Variants in NUP107 observed in about 807,000 individuals in gnomAD.
NUP107 encodes the protein nucleoporin 107.
In NUP107, 101 loss-of-function variants were observed where a neutral mutation model predicts 141.0. The ratio of observed to expected loss-of-function variants is 0.72; its 90% CI spans 0.61 to 0.84. The LOEUF is 0.84. Ranked by LOEUF, NUP107 falls within the 40% of genes least tolerant of loss-of-function variation. NUP107 has a pLI of 0.00. For missense variants in NUP107, 941 were observed against 1,102.7 expected (o/e 0.85, Z 2.08); for synonymous variants, 319 against 363.9 (o/e 0.88, Z 1.41).
At chr12:68,705,577 GT>G in intron 8 of NUP107, 1 of 318,146 alleles carries the variant, frequency 3.1e-6, no homozygotes, top group South Asian at 3.1e-5. Context: ...CAGCTTCTCT[GT>G]TCCTTCTCGA....
chr12:68,727,721 A>G (rs1877625158), intron 20 of NUP107, among the ~76,000 whole-genome samples: 1 of 152,170 alleles, frequency 6.6e-6, no homozygotes, highest in Admixed American at 6.5e-5. Context: ...CCCTCAGTAT[A>G]CTTGGGGGAT....
chr12:68,716,701 T>G (rs1417122476), intron 12 of NUP107, among the ~76,000 whole-genome samples: 1 of 152,218 alleles, frequency 6.6e-6, no homozygotes, highest in East Asian at 1.9e-4. Context: ...TGTAGAATGA[T>G]AAGTATCTAA....
Position 68,731,165 on chromosome 12 carries a change from C to G in NUP107, c.1790C>G (p.Pro597Arg), listed in dbSNP as rs1877806589. 6.2e-7 allele frequency: 1 copy of G among 1,611,098 alleles called. No individual in the cohort carries two copies. The highest frequency in any genetic ancestry group is 8.5e-7 in the Non-Finnish European group (1 of 1,178,496). The change falls in exon 21 of 28, where the codon CCT becomes CGT. Residue 597 changes from proline to arginine, a missense_variant. Coordinates refer to ENST00000229179, the MANE Select transcript of NUP107 (RefSeq NM_020401.4). ...NLIAFYTCHL[P>R]QDLAVAQYAL... is the part of the protein sequence containing the mutation. ...ATAGCATTTTATACCTGTCATTTGC[C>G]TCAAGACCTAGCTGTTGCCCAGTAT...
intron 12 of NUP107, among the ~76,000 whole-genome samples, chr12:68,717,140 C>G (rs774073483): frequency 6.6e-6 from 1 of 152,014 alleles, no homozygotes; most frequent in African/African-American, 2.4e-5. Context: ...TCAGGCAGTC[C>G]GCCTACCTCA....
At chr12:68,707,203 T>G in intron 8 of NUP107, 1 of 409,200 alleles carries the variant, frequency 2.4e-6, no homozygotes, top group Non-Finnish European at 4.3e-6. Context: ...GTGGGGGGAG[T>G]TTACTGCCTG....
intron 22 of NUP107, among the ~76,000 whole-genome samples, chr12:68,731,966 A>T (rs954218731): frequency 2.0e-5 from 3 of 152,176 alleles, no homozygotes; most frequent in Admixed American, 2.0e-4. Flanking sequence ...GGTTATTTTA[A>T]ATACTTGATT....
intron 17 of NUP107, 59 bp from the exon 18 acceptor site, chr12:68,725,668 A>G (rs1304828407): frequency 1.3e-5 from 11 of 841,788 alleles, no homozygotes; most frequent in Non-Finnish European, 2.1e-5. Flanking sequence ...TTAACAGTGA[A>G]TATATACTAC....
intron 25 of NUP107, 105 bp from the exon 26 acceptor site, chr12:68,735,126 A>G (rs1469080583): frequency 2.5e-5 from 20 of 813,228 alleles, no homozygotes; most frequent in East Asian, 1.3e-4. Context: ...TGAAACATCA[A>G]CTCTTTAGAA....
intron 20 of NUP107, among the ~76,000 whole-genome samples, chr12:68,728,018 C>T (rs1020000585): frequency 2.0e-5 from 3 of 152,106 alleles, no homozygotes; most frequent in Non-Finnish European, 2.9e-5. Context: ...CGAGGTGGCT[C>T]ATACCGGTAA....
chr12:68,688,845 A>T, intron 1 of NUP107, 117 bp from the exon 2 acceptor site: 1 of 597,622 alleles, frequency 1.7e-6, no homozygotes, highest in Non-Finnish European at 2.8e-6. Context: ...AGACTTGGCT[A>T]CTAGAATGAC....
At position 68,715,720 on chromosome 12, in the gene NUP107, C is replaced by T. The variant is rs1165860389; in HGVS notation, c.1063C>T (p.Arg355Cys). The change falls in exon 12 of 28, where the codon CGT becomes TGT. Residue 355 changes from arginine to cysteine, a missense_variant. By Grantham distance (180) the Arg-to-Cys change is radical. Transcript: ENST00000229179. ...ACTCAAATATCTCTTTACTCTAATCCGTGCTGGAATGACAGAAGAGGTCAG... is the reference window on the plus strand; with the variant it reads ...ACTCAAATATCTCTTTACTCTAATCTGTGCTGGAATGACAGAAGAGGTCAG... ...RLLKYLFTLI[R>C]AGMTEEAQRL... 27 of 1,606,774 alleles carry T rather than the reference C, an allele frequency of 1.7e-5. No homozygotes were observed. The highest frequency in any genetic ancestry group is 8.3e-5 in the Admixed American group (5 of 59,960).
chr12:68,696,937 C>T lies in NUP107; in HGVS notation c.552+15C>T. 1.4e-6 allele frequency: 2 copies of T among 1,468,944 alleles called. No individual in the cohort carries two copies. Among genetic ancestry groups the T allele is most frequent in the Middle Eastern group, 3.5e-4 (2 of 5,700 alleles). The allele number at this position is 1,468,944 out of a possible 1,614,324, so 91.0% of individuals were successfully genotyped here. A position where few individuals can be genotyped will look rare whatever the true frequency, so the allele number is the denominator to read the frequency against. Reference sequence around the variant, plus strand: ...GTGGTAGTCAGGTAAGCTAATTTCACTCCGTCGTTAGTCAAACTTCAGTAT... The same window carrying T: ...GTGGTAGTCAGGTAAGCTAATTTCATTCCGTCGTTAGTCAAACTTCAGTAT... On this transcript the variant is annotated intron_variant, in intron 6 of 27. Transcript: ENST00000229179.
intron 5 of NUP107, among the ~76,000 whole-genome samples, chr12:68,696,078 T>A (rs1166240844): frequency 1.3e-5 from 2 of 151,504 alleles, no homozygotes; most frequent in Admixed American, 6.6e-5. Flanking sequence ...TTAAAAAAAA[T>A]TTTGAGGCTG....
rs373298885 is a variant in NUP107 at position 68,692,090 on chromosome 12, T to C, written c.426T>C (p.Arg142=). 1.0e-5 allele frequency: 16 copies of C among 1,600,088 alleles called. No individual in the cohort carries two copies. Among genetic ancestry groups the C allele is most frequent in the Non-Finnish European group, 1.3e-5 (15 of 1,176,206 alleles). ...TAACTATCAGTGCTGTTATGTTACG[T>C]GAGGATGATCCTGGAGAAGCTGGTA... ...EDVTISAVML[R]EDDPGEAASM... is the part of the protein sequence containing the mutation. Residue 142 remains arginine, a synonymous_variant, in exon 5 of 28, where the codon CGT becomes CGC. Transcript: ENST00000229179.
intron 13 of NUP107, 49 bp from the exon 14 acceptor site, chr12:68,719,529 G>GT (rs1370878352): frequency 6.4e-7 from 1 of 1,563,788 alleles, no homozygotes; most frequent in African/African-American, 1.4e-5. Context: ...AGAAAGAATT[G>GT]TAATAAGGTC....
chr12:68,733,357 G>A, intron 23 of NUP107, 95 bp from the exon 24 acceptor site: 1 of 1,164,912 alleles, frequency 8.6e-7, no homozygotes, highest in Non-Finnish European at 1.2e-6. Flanking sequence ...ATAGTTACAG[G>A]TCACTGTAAA....
Position 68,709,248 on chromosome 12 carries a change from C to A in NUP107, c.740C>A (p.Ala247Asp). ...ESVFAVTAVN[A>D]SEKTVVEALF... is the part of the protein sequence containing the mutation. ...TATTTTTCATAATAGGCTGTTAATG[C>A]CAGTGAAAAAACAGTTGTGGAAGCG... is the stretch of plus-strand genomic sequence containing the variant. The change falls in exon 9 of 28, where the codon GCC becomes GAC. Residue 247 changes from alanine (A) to aspartate (D), a missense_variant. Physicochemically the swap from Ala to Asp is moderately radical, Grantham distance 126. Coordinates refer to ENST00000229179, the MANE Select transcript of NUP107 (RefSeq NM_020401.4). The A allele has an allele frequency of 6.3e-7, 1 of 1,594,314 alleles. No individual in the cohort carries two copies. Among genetic ancestry groups the A allele is most frequent in the Non-Finnish European group, 8.6e-7 (1 of 1,168,516 alleles).
chr12:68,709,627 A>T (rs950295979), intron 9 of NUP107, among the ~76,000 whole-genome samples: 1 of 152,164 alleles, frequency 6.6e-6, no homozygotes, highest in African/African-American at 2.4e-5. Flanking sequence ...CAGAAACTTC[A>T]CGCCTGTAAT....
At position 68,735,303 on chromosome 12, in the gene NUP107, T is replaced by G. The variant is rs1878022242; in HGVS notation, c.2461T>G (p.Leu821Val). 2 of 1,613,946 alleles carry G rather than the reference T, an allele frequency of 1.2e-6. No homozygotes were observed. Residue 821 changes from leucine (L) to valine (V), a missense_variant, in exon 26 of 28, where the codon TTG becomes GTG. Coordinates refer to ENST00000229179, the MANE Select transcript of NUP107 (RefSeq NM_020401.4). The stretch of plus-strand genomic sequence containing the variant: ...TGTGAAGGAGAAAATGTATAACGTC[T>G]TGTTGTTTGTTGATGGAGGGTGGAT... The part of the protein sequence containing the change: ...ADVKEKMYNV[L>V]LFVDGGWMVD...
Sources: allele counts gnomAD v4.1 joint callset (sites outside exome capture counted in the v4.1 genomes callset), GRCh38; gene constraint gnomAD v4.1.1; transcripts MANE v1.5; gene names NCBI Gene and HGNC (gene_info 2026-07-23, HGNC 2026-07-21).